Variants in DNAH8 observed in about 807,000 individuals in gnomAD.
The protein encoded by DNAH8 is dynein axonemal heavy chain 8.
DNAH8 carries 382 observed loss-of-function variants against 562.1 expected under a neutral mutation model. The observed-to-expected ratio is 0.68, with a 90% CI of 0.63 to 0.74. DNAH8 has a LOEUF of 0.74. Among genes scored for constraint, DNAH8 ranks in the 30% least tolerant of loss-of-function variants. The pLI is 0.00. For missense variants in DNAH8, 5,203 were observed against 5,620.4 expected, an observed-to-expected ratio of 0.93 and a Z score of 2.37; for synonymous variants, 1,881 against 1,919.4, an observed-to-expected ratio of 0.98 and a Z score of 0.52.
At chr6:38,816,769 A>G (rs758255620) in intron 26 of DNAH8, among the ~76,000 whole-genome samples, 1 of 152,098 alleles carries the variant, frequency 6.6e-6, no homozygotes, top group Non-Finnish European at 1.5e-5. Flanking sequence ...CTTTTTAATA[A>G]TTGCCATTCT....
chr6:38,798,470 G>C (rs1454543031), intron 21 of DNAH8, among the ~76,000 whole-genome samples: 1 of 152,170 alleles, frequency 6.6e-6, no homozygotes. Flanking sequence ...GTCCTTATTA[G>C]GACAGGATGC....
chr6:38,753,194 T>G (rs1338279893), intron 9 of DNAH8, among the ~76,000 whole-genome samples: 1 of 152,160 alleles, frequency 6.6e-6, no homozygotes, highest in Non-Finnish European at 1.5e-5. Context: ...TTGTTTAATA[T>G]AAGAACATTT....
intron 88 of DNAH8, among the ~76,000 whole-genome samples, chr6:38,991,134 C>T (rs34972145): frequency 0.14 from 21,091 of 152,218 alleles, 1,671 homozygotes; most frequent in Middle Eastern, 0.21. Context: ...TGCCAATTTC[C>T]TTGTCTTCCC....
In DNAH8 at chr6:38,828,296, T is replaced by G. The variant is rs775624412; in HGVS notation, c.4188+8T>G. ...AAATTGCAGAGCAAAGCTGTAAGTATGAATTTAACTACATTATTTTTTCTT... is the reference window on the plus strand; with the variant it reads ...AAATTGCAGAGCAAAGCTGTAAGTAGGAATTTAACTACATTATTTTTTCTT... On this transcript the variant is annotated splice_region_variant and intron_variant, in intron 30 of 92. Transcript: ENST00000327475. The G allele has an allele frequency of 6.8e-7, 1 of 1,472,128 alleles. No homozygotes were observed. Among genetic ancestry groups the G allele is most frequent in the East Asian group, 2.3e-5 (1 of 42,646 alleles). 91.2% of individuals were successfully genotyped at this position (1,472,128 alleles called of 1,614,324 possible).
rs747184576 is a variant in DNAH8, at chr6:38,815,602, C to T, written c.3468C>T (p.Pro1156=). ...IRPIKSVIPS[P]TTTDVTHQNT... is the part of the protein sequence containing the mutation. ...CCATCAAGTCTGTCATTCCCAGCCC[C>T]ACCACTACTGACGTGACCCATCAAA... Residue 1156 remains proline, a synonymous_variant, in exon 26 of 93, where the codon CCC becomes CCT. Transcript: ENST00000327475. The T allele has an allele frequency of 1.9e-6, 3 of 1,614,012 alleles. No homozygotes were observed. The South Asian group carries it at 3.3e-5, about 18-fold the overall frequency.
intron 30 of DNAH8, among the ~76,000 whole-genome samples, chr6:38,830,896 T>C (rs1030654109): frequency 3.3e-5 from 5 of 152,196 alleles, no homozygotes; most frequent in African/African-American, 1.2e-4. Flanking sequence ...CTCAACTTCT[T>C]CTTGGGGTCA....
At chr6:38,729,203 A>AAAAC (rs79234857) in intron 3 of DNAH8, among the ~76,000 whole-genome samples, 15,006 of 150,266 alleles carry the variant, frequency 0.1, 799 homozygotes, top group East Asian at 0.17. Flanking sequence ...ACTCCGTCTC[A>AAAAC]AAACAAACAA....
rs767023351 is a variant in DNAH8 at position 38,937,968 on chromosome 6, T to A, written c.11564-6T>A. The A allele has an allele frequency of 1.2e-6, 2 of 1,613,278 alleles. No homozygotes were observed. The highest frequency in any genetic ancestry group is 1.7e-6 in the Non-Finnish European group (2 of 1,179,390). On this transcript the variant is annotated splice_region_variant and splice_polypyrimidine_tract_variant and intron_variant, in intron 77 of 92. Coordinates refer to ENST00000327475, the MANE Select transcript of DNAH8 (RefSeq NM_001206927.2). ...TGTACTACGGTTTTCCTGTTTTGAA[T>A]TTCAGGCTCATTGGTAGATGACGAA...
At chr6:39,001,297 T>C (rs1765465167) in intron 88 of DNAH8, among the ~76,000 whole-genome samples, 1 of 151,950 alleles carries the variant, frequency 6.6e-6, no homozygotes, top group African/African-American at 2.4e-5. Context: ...GATTTAAGCC[T>C]TTTCCTGCCA....
At chr6:38,752,242 C>G (rs1765527638) in intron 9 of DNAH8, among the ~76,000 whole-genome samples, 1 of 151,652 alleles carries the variant, frequency 6.6e-6, no homozygotes, top group Admixed American at 6.6e-5. Context: ...CTGCTCACTG[C>G]AACCTCCGCC....
Position 38,719,562 on chromosome 6 carries a change from GT to G in DNAH8, c.-34-3206del, listed in dbSNP as rs971297554. On this transcript the variant is annotated intron_variant, in intron 1 of 92. Coordinates refer to ENST00000327475, the MANE Select transcript of DNAH8 (RefSeq NM_001206927.2). ...ATACATGTTGCTTCAGAGGACATGT[GT>G]TTTTTTTATGGCTGCATAGTATTCC... 3.9e-4 allele frequency among the ~76,000 whole-genome samples: 59 copies of G among 152,014 alleles called. 2 individuals are homozygous for G. Among genetic ancestry groups the G allele is most frequent in the South Asian group, 2.1e-3 (10 of 4,808 alleles).
chr6:38,857,825 C>G, intron 42 of DNAH8, 83 bp downstream of exon 42: 2 of 857,834 alleles, frequency 2.3e-6, no homozygotes, highest in Non-Finnish European at 1.8e-6. Flanking sequence ...CTTACATGAA[C>G]TTTCCATTTA....
intron 14 of DNAH8, among the ~76,000 whole-genome samples, chr6:38,779,048 C>T (rs541410630): frequency 5.5e-4 from 83 of 152,270 alleles, no homozygotes; most frequent in Non-Finnish European, 8.7e-4. Context: ...CCTTTAGCTT[C>T]CTTTCCCTCT....
intron 3 of DNAH8, among the ~76,000 whole-genome samples, chr6:38,726,307 G>A (rs1763213781): frequency 1.3e-5 from 2 of 152,296 alleles, no homozygotes; most frequent in South Asian, 4.1e-4. Flanking sequence ...GATGTGGGGG[G>A]GAGATGGGCA....
chr6:39,010,134 A>T (rs1041394427), intron 89 of DNAH8, among the ~76,000 whole-genome samples: 3 of 81,260 alleles, frequency 3.7e-5, no homozygotes, highest in African/African-American at 1.8e-4. Context: ...TGTTCTGGTG[A>T]TTATTCCAGC....
intron 89 of DNAH8, among the ~76,000 whole-genome samples, chr6:39,010,801 G>GCACACA (rs59768434): frequency 6.3e-5 from 9 of 141,930 alleles, no homozygotes; most frequent in Non-Finnish European, 1.1e-4. Context: ...GCACGTGTAC[G>GCACACA]CACACACACA....
chr6:38,994,869 C>G lies in DNAH8; in HGVS notation c.13214+4697C>G, dbSNP rs1765035756. 5.3e-5 allele frequency among the ~76,000 whole-genome samples: 8 copies of G among 152,154 alleles called. No homozygotes were observed. In the South Asian group the frequency reaches 1.5e-3, roughly 28 times the overall value. ...ATGTTGACCAGGCTGGTCTTGAGCTCTTGACCACACGTGATCCGCCAGCCT... is the reference window on the plus strand; with the variant it reads ...ATGTTGACCAGGCTGGTCTTGAGCTGTTGACCACACGTGATCCGCCAGCCT... On this transcript the variant is annotated intron_variant, in intron 88 of 92. Transcript: ENST00000327475.
Position 38,837,486 on chromosome 6 carries a change from G to A in DNAH8, c.4366-456G>A, listed in dbSNP as rs181964932. ...TAAGTTGTTAGAATTATTTCAAATG[G>A]TGTTAAAATTGGATCTTCTTTTTTA... On this transcript the variant is annotated intron_variant, in intron 32 of 92. Transcript: ENST00000327475. 2.0e-5 allele frequency among the ~76,000 whole-genome samples: 3 copies of A among 152,308 alleles called. No homozygotes were observed. In the East Asian group the frequency reaches 5.8e-4, roughly 29 times the overall value.
At chr6:38,868,565 C>A (rs1777234480) in intron 48 of DNAH8, among the ~76,000 whole-genome samples, 1 of 152,222 alleles carries the variant, frequency 6.6e-6, no homozygotes, top group South Asian at 2.1e-4. Context: ...ACTAGCTTAT[C>A]TCAGATATAT....
Sources: allele counts gnomAD v4.1 joint callset (sites outside exome capture counted in the v4.1 genomes callset), GRCh38; gene constraint gnomAD v4.1.1; transcripts MANE v1.5; gene names NCBI Gene and HGNC (gene_info 2026-07-23, HGNC 2026-07-21).